Variants in ACTL6A observed in about 807,000 individuals in gnomAD.
The protein encoded by ACTL6A is actin like 6A.
A neutral mutation model predicts 59.2 loss-of-function variants in ACTL6A; 5 were observed. The ratio of observed to expected loss-of-function variants is 0.08; its 90% CI spans 0.04 to 0.18. The LOEUF (loss-of-function observed/expected upper bound fraction) is 0.18, where lower values mean the gene tolerates loss of function less well. Among genes scored for constraint, ACTL6A ranks in the 10% least tolerant of loss-of-function variants. The pLI, the probability that ACTL6A is intolerant of heterozygous loss-of-function variation, is 1.00. For synonymous variants in ACTL6A, 154 were observed against 171.8 expected, an observed-to-expected ratio of 0.90 and a Z score of 0.81; for missense variants, 285 against 526.9, an observed-to-expected ratio of 0.54 and a Z score of 4.49.
chr3:179,568,789 G>A lies in ACTL6A; in HGVS notation c.26-1035G>A, dbSNP rs115942683. Among the ~76,000 whole-genome samples the A allele has an allele frequency of 3.6e-3, 553 of 152,216 alleles. 4 individuals are homozygous for A. Among genetic ancestry groups the A allele is most frequent in the African/African-American group, 0.013 (524 of 41,526 alleles). On this transcript the variant is annotated intron_variant, in intron 1 of 13. Transcript: ENST00000429709. The stretch of plus-strand genomic sequence containing the variant: ...GGCAAGCAGTGTGTCAATTATAATA[G>A]CAGCTTACACTTAGCATGTGTATTT...
intron 12 of ACTL6A, 128 bp downstream of exon 12, chr3:179,583,576 A>G (rs879768663): frequency 3.1e-5 from 20 of 640,230 alleles, no homozygotes; most frequent in African/African-American, 7.4e-5. Context: ...GTATAGTATC[A>G]CTAAAGTTAA....
chr3:179,583,994 G>C (rs1268766136), intron 12 of ACTL6A, among the ~76,000 whole-genome samples: 1 of 152,180 alleles, frequency 6.6e-6, no homozygotes, highest in African/African-American at 2.4e-5. Context: ...TAGTCTTTAC[G>C]TAAGTGGGGA....
intron 12 of ACTL6A, 27 bp from the exon 13 acceptor site, chr3:179,586,519 G>C: frequency 2.2e-5 from 25 of 1,158,536 alleles, no homozygotes; most frequent in Non-Finnish European, 3.1e-5. Flanking sequence ...AGATTTGATT[G>C]TACTAATGCA....
Position 179,588,076 on chromosome 3 carries a change from G to GA in ACTL6A, c.*70dup, listed in dbSNP as rs1718567053. 1 of 1,182,812 alleles carries GA rather than the reference G, an allele frequency of 8.5e-7. No individual in the cohort carries two copies. The highest frequency in any genetic ancestry group is 1.6e-5 in the African/African-American group (1 of 62,550). The allele number at this position is 1,182,812 out of a possible 1,614,324, so 73.3% of individuals were successfully genotyped here. A position where few individuals can be genotyped will look rare whatever the true frequency, so the allele number is the denominator to read the frequency against. On this transcript the variant is annotated 3_prime_UTR_variant, in exon 14 of 14. Coordinates refer to ENST00000429709, the MANE Select transcript of ACTL6A (RefSeq NM_004301.5). ...CGTTTCATAGCTTTAGTATACTCAG[G>GA]AAAAGAATGACCATCTTTTGTAGAA... is the stretch of plus-strand genomic sequence containing the variant.
chr3:179,578,851 C>T (rs1718248870), intron 8 of ACTL6A, among the ~76,000 whole-genome samples: 1 of 152,082 alleles, frequency 6.6e-6, no homozygotes, highest in Non-Finnish European at 1.5e-5. Context: ...CTGCAACCTC[C>T]ATCTCCTGGG....
At chr3:179,573,507 G>GTTTT in intron 4 of ACTL6A, 38 bp downstream of exon 4, 3 of 962,796 alleles carry the variant, frequency 3.1e-6, no homozygotes, top group Non-Finnish European at 4.2e-6. Context: ...TTCTCTAGTT[G>GTTTT]TTTTTTTTTT....
intron 1 of ACTL6A, among the ~76,000 whole-genome samples, chr3:179,565,781 T>C (rs1008594539): frequency 6.6e-6 from 1 of 152,146 alleles, no homozygotes; most frequent in Non-Finnish European, 1.5e-5. Context: ...TTTTATCAAA[T>C]ACAGTGATGA....
intron 1 of ACTL6A, among the ~76,000 whole-genome samples, chr3:179,563,507 A>G (rs951160975): frequency 3.0e-4 from 45 of 152,112 alleles, no homozygotes; most frequent in Non-Finnish European, 5.7e-4. Context: ...CTGTGTCGGG[A>G]CGCGTGTGCG....
At chr3:179,563,221 C>G (rs533362118) in intron 1 of ACTL6A, 104 bp downstream of exon 1, 6 of 1,489,156 alleles carry the variant, frequency 4.0e-6, no homozygotes, top group Middle Eastern at 2.4e-4. Flanking sequence ...CCGGTCTCCC[C>G]CTCTCGGGAC....
chr3:179,572,872 G>T (rs1384639758), intron 3 of ACTL6A, among the ~76,000 whole-genome samples: 1 of 152,132 alleles, frequency 6.6e-6, no homozygotes, highest in African/African-American at 2.4e-5. Flanking sequence ...TTAGGTGGAA[G>T]CCAAATTGAA....
rs1560007783 is a variant in ACTL6A, at chr3:179,563,069, G to A, written c.-24G>A. The A allele has an allele frequency of 6.2e-7, 1 of 1,610,630 alleles. No homozygotes were observed. The highest frequency in any genetic ancestry group is 1.3e-5 in the African/African-American group (1 of 74,916). On this transcript the variant is annotated 5_prime_UTR_variant, in exon 1 of 14. Transcript: ENST00000429709. ...GTCACTTCGCCAGTTAGCCCTTAGG[G>A]TAGGAGTCGCGCCGGCAGCAGCCAT... is the stretch of plus-strand genomic sequence containing the variant.
chr3:179,576,065 C>T, intron 5 of ACTL6A, 152 bp from the exon 6 acceptor site: 1 of 578,516 alleles, frequency 1.7e-6, no homozygotes, highest in Non-Finnish European at 3.0e-6. Flanking sequence ...TATTTTATAC[C>T]AATTTTTATC....
chr3:179,570,452 G>A lies in ACTL6A; in HGVS notation c.277+211G>A, dbSNP rs1717970159. ...AGCTTACAGTTAGTTGGGGGAAATA[G>A]ATGTATATATACAAATAATGGTACA... On this transcript the variant is annotated intron_variant, in intron 3 of 13. Coordinates refer to ENST00000429709, the MANE Select transcript of ACTL6A (RefSeq NM_004301.5). The surrounding 1 kb of genome is among the most constrained non-coding windows in gnomAD (Gnocchi z 4.3). The A allele has an allele frequency of 2.1e-6, 1 of 479,774 alleles. No homozygotes were observed. Among genetic ancestry groups the A allele is most frequent in the Non-Finnish European group, 3.7e-6 (1 of 272,358 alleles). The allele number at this position is 479,774 out of a possible 1,614,324, so 29.7% of individuals were successfully genotyped here.
At chr3:179,571,055 ACT>A (rs1717989474) in intron 3 of ACTL6A, among the ~76,000 whole-genome samples, 2 of 152,120 alleles carry the variant, frequency 1.3e-5, no homozygotes, top group African/African-American at 4.8e-5. Context: ...GGTTGGGGTA[ACT>A]CTGAACAGAG....
chr3:179,582,415 C>T (rs1338472176), intron 11 of ACTL6A, among the ~76,000 whole-genome samples: 2 of 152,132 alleles, frequency 1.3e-5, no homozygotes, highest in Admixed American at 1.3e-4. Flanking sequence ...AAATACACTG[C>T]TTATAAGTAG....
chr3:179,576,598 C>G, intron 6 of ACTL6A, 22 bp from the exon 7 acceptor site: 1 of 1,584,534 alleles, frequency 6.3e-7, no homozygotes, highest in African/African-American at 1.3e-5. Context: ...GCCCTCTTAG[C>G]CTTGTTTCAT....
chr3:179,588,290 T>C lies in ACTL6A; in HGVS notation c.*280T>C. The stretch of plus-strand genomic sequence containing the variant: ...TAAAATGCTTTCCAACTCTGTTTAG[T>C]GTATTAATTACCAGTGGATTGGTAG... On this transcript the variant is annotated 3_prime_UTR_variant, in exon 14 of 14. Coordinates refer to ENST00000429709, the MANE Select transcript of ACTL6A (RefSeq NM_004301.5). 1 of 304,706 alleles carries C rather than the reference T, an allele frequency of 3.3e-6. No homozygotes were observed. Among genetic ancestry groups the C allele is most frequent in the Non-Finnish European group, 5.9e-6 (1 of 168,630 alleles). The allele number at this position is 304,706 out of a possible 1,614,324, so 18.9% of individuals were successfully genotyped here. A position where few individuals can be genotyped will look rare whatever the true frequency, so the allele number is the denominator to read the frequency against.
At chr3:179,583,904 C>G (rs1339894317) in intron 12 of ACTL6A, 1 of 152,520 alleles carries the variant, frequency 6.6e-6, no homozygotes, top group African/African-American at 2.4e-5. Context: ...GAAAGGATAT[C>G]TAGATGGAGG....
Position 179,580,721 on chromosome 3 carries a change from T to C in ACTL6A, c.830+20T>C, listed in dbSNP as rs760191885. The C allele has an allele frequency of 9.1e-6, 14 of 1,541,916 alleles. No homozygotes were observed. Among genetic ancestry groups the C allele is most frequent in the Admixed American group, 3.7e-5 (2 of 54,156 alleles). ...TGAACAGTATGTTTTCTTATTAAAATGTATACTTTATAAATGAGGAAAGGA... is the reference window on the plus strand; with the variant it reads ...TGAACAGTATGTTTTCTTATTAAAACGTATACTTTATAAATGAGGAAAGGA... On this transcript the variant is annotated intron_variant, in intron 9 of 13. Transcript: ENST00000429709.
Sources: allele counts gnomAD v4.1 joint callset (sites outside exome capture counted in the v4.1 genomes callset), GRCh38; gene constraint gnomAD v4.1.1; non-coding constraint Gnocchi (gnomAD v3.1); transcripts MANE v1.5; gene names NCBI Gene and HGNC (gene_info 2026-07-23, HGNC 2026-07-21).